The following TPR variants were observed in gnomAD, a reference collection of about 807,000 sequenced individuals.
TPR encodes the protein nucleoprotein TPR.
TPR carries 51 observed loss-of-function variants against 316.1 expected under a neutral mutation model. The observed-to-expected ratio is 0.16, with a 90% confidence interval of 0.13 to 0.20. The LOEUF is 0.20. TPR is among the 10% of genes least tolerant of loss of function. The pLI is 1.00. For missense variants in TPR, 2,272 were observed against 2,754.8 expected (o/e 0.82, Z 3.92); for synonymous variants, 981 against 914.7 (o/e 1.07, Z -1.31).
At chr1:186,318,013 T>C (rs1210049720) in intron 48 of TPR, among the ~76,000 whole-genome samples, 1 of 152,222 alleles carries the variant, frequency 6.6e-6, no homozygotes, top group Admixed American at 6.5e-5. Flanking sequence ...CCACGGGCTC[T>C]AGCCCAGATG....
rs1163356723 is a variant in TPR, at chr1:186,371,005, G to A, written c.295C>T (p.Leu99Phe). Residue 99 changes from leucine (L) to phenylalanine (F), a missense_variant, in exon 3 of 51, where the codon CTT becomes TTT. Leu to Phe is a conservative substitution (Grantham distance 22, BLOSUM62 0). This residue lies in a region of TPR where 549 missense variants were observed against 598.6 expected (regional missense o/e 0.92). Transcript: ENST00000367478. ...ATATTGCGATCCTGAGCAATTTCAA[G>A]TTCTTTGTTTTTCTCAGTTAGTGCC... ...LKALTEKNKELEIAQDRNIAI... is the reference protein window; with the variant it reads ...LKALTEKNKEFEIAQDRNIAI... The A allele has an allele frequency of 1.2e-6, 2 of 1,612,850 alleles. No homozygotes were observed. Among genetic ancestry groups the A allele is most frequent in the Non-Finnish European group, 8.5e-7 (1 of 1,179,470 alleles).
At position 186,323,762 on chromosome 1, in the gene TPR, G is replaced by A. The variant is rs758791554; in HGVS notation, c.6221C>T (p.Pro2074Leu). Reference protein sequence around the residue: ...ERQAPRAPQSPRRPPHPLPPR... With the variant: ...ERQAPRAPQSLRRPPHPLPPR... ...GGGAAGTGGATGTGGTGGGCGTCTC[G>A]GTGACTGAGGTGCTCGAGGGGCCTG... The change falls in exon 43 of 51, where the codon CCG becomes CTG. Residue 2074 changes from proline (P) to leucine (L), a missense_variant. Pro to Leu is a moderately conservative substitution (Grantham distance 98, BLOSUM62 -3). This residue lies in a region of TPR where 435 missense variants were observed against 461.1 expected (regional missense o/e 0.94). Coordinates refer to ENST00000367478, the MANE Select transcript of TPR (RefSeq NM_003292.3). 5.8e-6 allele frequency: 9 copies of A among 1,540,178 alleles called. No individual in the cohort carries two copies. The highest frequency in any genetic ancestry group is 2.5e-5 in the South Asian group (2 of 78,790).
chr1:186,315,238 A>C (rs1050176440), intron 49 of TPR, among the ~76,000 whole-genome samples: 1 of 151,682 alleles, frequency 6.6e-6, no homozygotes, highest in Admixed American at 6.6e-5. Context: ...ACAAAAAAAA[A>C]ACACCAAAAA....
At chr1:186,331,898 G>GT (rs1450040960) in intron 38 of TPR, among the ~76,000 whole-genome samples, 1 of 152,038 alleles carries the variant, frequency 6.6e-6, no homozygotes, top group Non-Finnish European at 1.5e-5. Context: ...AAGATAGCAG[G>GT]TAACAGTTTA....
chr1:186,366,216 C>T (rs1659337842), intron 4 of TPR, among the ~76,000 whole-genome samples: 2 of 152,102 alleles, frequency 1.3e-5, no homozygotes, highest in South Asian at 4.1e-4. Context: ...TCCCCTTCTA[C>T]CTCTGCAACC....
chr1:186,345,500 A>T, intron 24 of TPR, 80 bp downstream of exon 24: 2 of 1,104,998 alleles, frequency 1.8e-6, no homozygotes, highest in Non-Finnish European at 2.7e-6. Flanking sequence ...AAGGTCCACC[A>T]GTTCTTATAA....
In TPR at chr1:186,339,611, T is replaced by G. The variant is rs776248641; in HGVS notation, c.4151+31A>C. On this transcript the variant is annotated intron_variant, in intron 30 of 50. Coordinates refer to ENST00000367478, the MANE Select transcript of TPR (RefSeq NM_003292.3). ...TAAGTAAAATAAACTTCTTTTATAT[T>G]ATATATGATTTAAGGCTTCTTTCCA... is the stretch of plus-strand genomic sequence containing the variant. 2.6e-5 allele frequency: 38 copies of G among 1,465,032 alleles called. No homozygotes were observed. In the South Asian group the frequency reaches 5.6e-4, roughly 21 times the overall value. 90.8% of individuals were successfully genotyped at this position (1,465,032 alleles called of 1,614,324 possible).
intron 41 of TPR, 90 bp from the exon 42 acceptor site, chr1:186,325,944 A>G: frequency 6.4e-7 from 1 of 1,559,924 alleles, no homozygotes; most frequent in Non-Finnish European, 8.7e-7. Context: ...AAACCACAAC[A>G]AAAACAAATA....
chr1:186,355,800 T>C (rs760009740), intron 15 of TPR, 32 bp from the exon 16 acceptor site: 1 of 1,607,022 alleles, frequency 6.2e-7, no homozygotes, highest in South Asian at 1.1e-5. Flanking sequence ...TAAAATGCTT[T>C]GTTGGCTTTC....
Position 186,314,615 on chromosome 1 carries a change from T to A in TPR, c.7036+14A>T. 6.3e-7 allele frequency: 1 copy of A among 1,590,476 alleles called. No individual in the cohort carries two copies. The highest frequency in any genetic ancestry group is 1.3e-5 in the African/African-American group (1 of 74,338). ...CACATTCTATCATGTAATCCAGTTA[T>A]GTCAGAAATTCACCTCTCTGTCTGT... On this transcript the variant is annotated intron_variant, in intron 50 of 50. Transcript: ENST00000367478.
intron 3 of TPR, among the ~76,000 whole-genome samples, chr1:186,369,616 CTTA>C (rs976392923): frequency 1.3e-5 from 2 of 151,978 alleles, no homozygotes; most frequent in African/African-American, 2.4e-5. Flanking sequence ...TATAAATTCA[CTTA>C]TTAGCTCTGA....
chr1:186,343,960 T>C lies in TPR; in HGVS notation c.3548A>G (p.Asn1183Ser), dbSNP rs1658597528. The change falls in exon 26 of 51, where the codon AAT (asparagine) becomes AGT (serine). Residue 1183 changes from asparagine to serine, a missense_variant. Physicochemically the swap from Asn to Ser is conservative, Grantham distance 46. Around this residue, in one of 10 missense-constraint regions of TPR, gnomAD observed 757 missense variants for 859.8 expected, o/e 0.88. Coordinates refer to ENST00000367478, the MANE Select transcript of TPR (RefSeq NM_003292.3). ...SVKEGVQGPL[N>S]VSLSEEGKSQ... ...TTTTCCTTCTTCACTGAGAGATACATTCAGTGGACCTTGTACACCTTCCTT... is the reference window on the plus strand; with the variant it reads ...TTTTCCTTCTTCACTGAGAGATACACTCAGTGGACCTTGTACACCTTCCTT... 6.2e-6 allele frequency: 10 copies of C among 1,614,164 alleles called. No homozygotes were observed. Among genetic ancestry groups the C allele is most frequent in the East Asian group, 2.2e-5 (1 of 44,872 alleles).
intron 3 of TPR, among the ~76,000 whole-genome samples, chr1:186,369,893 A>G (rs1486420592): frequency 6.6e-6 from 1 of 151,316 alleles, no homozygotes; most frequent in African/African-American, 2.4e-5. Context: ...TTTTTAAGTC[A>G]CTTCATAGTT....
chr1:186,346,404 T>G, intron 22 of TPR, 117 bp from the exon 23 acceptor site: 1 of 1,069,952 alleles, frequency 9.3e-7, no homozygotes, highest in Non-Finnish European at 1.3e-6. Flanking sequence ...TGTTGTATAT[T>G]AAAAAAAGAA....
intron 14 of TPR, 70 bp downstream of exon 14, chr1:186,357,327 A>T: frequency 2.7e-6 from 4 of 1,496,030 alleles, no homozygotes; most frequent in Non-Finnish European, 3.7e-6. Context: ...GATTACAGGC[A>T]TGAGACACTG....
intron 49 of TPR, among the ~76,000 whole-genome samples, chr1:186,315,226 AAAC>A (rs1657570364): frequency 6.7e-6 from 1 of 150,156 alleles, no homozygotes; most frequent in Non-Finnish European, 1.5e-5. Context: ...ACAAACAAAC[AAAC>A]AAAAAAAAAA....
At position 186,311,739 on chromosome 1, in the gene TPR, T is replaced by A. The variant is rs1019865046; in HGVS notation, c.*2232A>T. 37 of 868,980 alleles carry A rather than the reference T, an allele frequency of 4.3e-5. 1 individual carries two copies. The highest frequency in any genetic ancestry group is 6.3e-5 in the Non-Finnish European group (36 of 568,914). The allele number at this position is 868,980 out of a possible 1,614,324, so 53.8% of individuals were successfully genotyped here. On this transcript the variant is annotated 3_prime_UTR_variant, in exon 51 of 51. Coordinates refer to ENST00000367478, the MANE Select transcript of TPR (RefSeq NM_003292.3). The stretch of plus-strand genomic sequence containing the variant: ...CAGTGAAAAAAATCAATATTGAGGG[T>A]AGTATTCTTATTGCCCTCAATTTTT...
Position 186,356,295 on chromosome 1 carries a change from G to A in TPR, c.1879C>T (p.Pro627Ser), listed in dbSNP as rs779061161. The change falls in exon 15 of 51, where the codon CCA becomes TCA. Residue 627 changes from proline to serine, a missense_variant. Coordinates refer to ENST00000367478, the MANE Select transcript of TPR (RefSeq NM_003292.3). ...LLSQTTGVAI[P>S]LHASSLDDVS... Reference sequence around the variant, plus strand: ...CTTTATAAAAACCTACCATGTAATGGAATGGCAACTCCTGTTGTTTGTGAC... The same window carrying A: ...CTTTATAAAAACCTACCATGTAATGAAATGGCAACTCCTGTTGTTTGTGAC... 6.3e-7 allele frequency: 1 copy of A among 1,595,606 alleles called. No homozygotes were observed. The highest frequency in any genetic ancestry group is 1.1e-5 in the South Asian group (1 of 88,458).
chr1:186,335,262 C>A (rs376883771), intron 34 of TPR, 76 bp downstream of exon 34: 2 of 1,570,372 alleles, frequency 1.3e-6, no homozygotes, highest in Non-Finnish European at 1.7e-6. Context: ...GACAAAGGCT[C>A]CTATATCACC....
Sources: allele counts gnomAD v4.1 joint callset (sites outside exome capture counted in the v4.1 genomes callset), GRCh38; gene constraint gnomAD v4.1.1; regional missense constraint gnomAD v4.1.1; transcripts MANE v1.5; gene names NCBI Gene and HGNC (gene_info 2026-07-23, HGNC 2026-07-21).